ARHGAP24: variants seen among roughly 807,000 people sequenced by gnomAD.
The protein encoded by ARHGAP24 is rho GTPase-activating protein 24.
A neutral mutation model predicts 76.4 loss-of-function variants in ARHGAP24; 50 were observed. That is an observed-to-expected ratio of 0.65 (90% CI 0.52 to 0.83). The LOEUF (loss-of-function observed/expected upper bound fraction) is 0.83. Ranked by LOEUF, ARHGAP24 falls within the 40% of genes least tolerant of loss-of-function variation. The pLI is 0.00. For synonymous variants in ARHGAP24, 345 were observed against 323.3 expected (o/e 1.07, Z -0.72); for missense variants, 930 against 914.2 (o/e 1.02, Z -0.22).
chr4:85,722,276 T>C (rs1379123696), intron 3 of ARHGAP24: 2 of 321,846 alleles, frequency 6.2e-6, no homozygotes, highest in Admixed American at 9.2e-5. Flanking sequence ...TTTACAGCGC[T>C]CTTGTGATGT....
intron 2 of ARHGAP24, among the ~76,000 whole-genome samples, chr4:85,687,658 G>C (rs1578141158): frequency 6.6e-6 from 1 of 152,008 alleles, no homozygotes; most frequent in African/African-American, 2.4e-5. Flanking sequence ...ATCCAATTCA[G>C]CATTAATGGA....
rs568159027 is a variant in ARHGAP24 at position 85,877,554 on chromosome 4, G to A, written c.269-46094G>A. Among the ~76,000 whole-genome samples, 8 of 26,988 alleles carry A rather than the reference G, an allele frequency of 3.0e-4. 1 individual carries two copies. The highest frequency in any genetic ancestry group is 1.5e-3 in the Admixed American group (3 of 2,040). The allele number at this position is 26,988 out of a possible 152,430, so 17.7% of individuals were successfully genotyped here. ...GTGGGAGGATCTTTTGAGCCCAGGC[G>A]TTCAAGGTTGCAGTGAGCCATAATC... On this transcript the variant is annotated intron_variant, in intron 3 of 9. Transcript: ENST00000395184.
intron 3 of ARHGAP24, among the ~76,000 whole-genome samples, chr4:85,869,021 A>G (rs1029508973): frequency 6.6e-6 from 1 of 152,084 alleles, no homozygotes; most frequent in African/African-American, 2.4e-5. Flanking sequence ...TACAACTATG[A>G]GAAATGTCCT....
rs1311560020 is a variant in ARHGAP24, at chr4:85,797,555, C to G, written c.268+75583C>G. On this transcript the variant is annotated intron_variant, in intron 3 of 9. Transcript: ENST00000395184. Reference sequence around the variant, plus strand: ...TAATTTATAGCTAAGGTGGACTGATCTAAATATTCAAATGATGTTAGCAGG... The same window carrying G: ...TAATTTATAGCTAAGGTGGACTGATGTAAATATTCAAATGATGTTAGCAGG... 3.3e-5 allele frequency among the ~76,000 whole-genome samples: 5 copies of G among 152,214 alleles called. No homozygotes were observed. In the East Asian group the frequency reaches 7.7e-4, roughly 23 times the overall value.
At chr4:85,870,074 A>C (rs1732437859) in intron 3 of ARHGAP24, among the ~76,000 whole-genome samples, 1 of 152,226 alleles carries the variant, frequency 6.6e-6, no homozygotes, top group East Asian at 1.9e-4. Flanking sequence ...GAGTTAATGC[A>C]TATAAAGCTT....
intron 2 of ARHGAP24, among the ~76,000 whole-genome samples, chr4:85,652,850 A>C (rs1452570501): frequency 6.6e-6 from 1 of 152,112 alleles, no homozygotes; most frequent in African/African-American, 2.4e-5. Flanking sequence ...ACTTTCCAAA[A>C]TCCAAATATT....
chr4:85,871,170 T>C (rs1021215683), intron 3 of ARHGAP24, among the ~76,000 whole-genome samples: 5 of 152,124 alleles, frequency 3.3e-5, no homozygotes, highest in Non-Finnish European at 5.9e-5. Context: ...TGTTTTACAT[T>C]ACTCTCTAGG....
At chr4:85,653,501 G>A (rs563707635) in intron 2 of ARHGAP24, among the ~76,000 whole-genome samples, 2 of 151,852 alleles carry the variant, frequency 1.3e-5, no homozygotes, top group Non-Finnish European at 2.9e-5. Flanking sequence ...TGAGGAGGAG[G>A]CTCACTTTGT....
At chr4:85,970,211 G>T (rs1206781145) in intron 5 of ARHGAP24, among the ~76,000 whole-genome samples, 2 of 152,120 alleles carry the variant, frequency 1.3e-5, no homozygotes, top group East Asian at 1.9e-4. Context: ...AATTCTGCAA[G>T]GACAGGAGGC....
rs73835544 is a variant in ARHGAP24, at chr4:85,720,605, G to A, written c.181-1280G>A. On this transcript the variant is annotated intron_variant, in intron 2 of 9. Transcript: ENST00000395184. Reference sequence around the variant, plus strand: ...TGTCCTAGATTAGAAATATTACTCCGATATTCATTGGCTTACAGTTGGTTA... The same window carrying A: ...TGTCCTAGATTAGAAATATTACTCCAATATTCATTGGCTTACAGTTGGTTA... Among the ~76,000 whole-genome samples, 1,519 of 152,256 alleles carry A rather than the reference G, an allele frequency of 1.0e-2. 26 individuals are homozygous for A. Among genetic ancestry groups the A allele is most frequent in the African/African-American group, 0.034 (1,416 of 41,554 alleles).
chr4:85,988,134 T>C (rs1740112970), intron 8 of ARHGAP24, among the ~76,000 whole-genome samples: 1 of 151,846 alleles, frequency 6.6e-6, no homozygotes, highest in Non-Finnish European at 1.5e-5. Context: ...ACAAAATCTG[T>C]GAGTAAATTC....
At chr4:85,598,803 A>C (rs1394380651) in intron 2 of ARHGAP24, among the ~76,000 whole-genome samples, 1 of 150,980 alleles carries the variant, frequency 6.6e-6, no homozygotes, top group Non-Finnish European at 1.5e-5. Flanking sequence ...ACTGAAAAAA[A>C]CTATCTAACT....
At chr4:85,762,358 G>A (rs541747657) in intron 3 of ARHGAP24, among the ~76,000 whole-genome samples, 7 of 152,106 alleles carry the variant, frequency 4.6e-5, no homozygotes, top group African/African-American at 4.8e-5. Context: ...CTTTTTCTTT[G>A]AGAACGAGAA....
chr4:85,720,408 C>A (rs906258871), intron 2 of ARHGAP24, among the ~76,000 whole-genome samples: 14 of 152,270 alleles, frequency 9.2e-5, no homozygotes, highest in African/African-American at 3.1e-4. Context: ...ATAATGATTT[C>A]TATATTTCTG....
At chr4:85,880,598 T>C (rs139455730) in intron 3 of ARHGAP24, among the ~76,000 whole-genome samples, 1,884 of 152,136 alleles carry the variant, frequency 0.012, 44 homozygotes, top group African/African-American at 0.043. Context: ...GCACGACCTC[T>C]GCTCACTGCA....
At chr4:85,894,155 T>A (rs1441864932) in intron 3 of ARHGAP24, among the ~76,000 whole-genome samples, 2 of 146,654 alleles carry the variant, frequency 1.4e-5, no homozygotes, top group East Asian at 2.0e-4. Flanking sequence ...GGTTTGTGGG[T>A]GAAAATGGTG....
intron 4 of ARHGAP24, chr4:85,930,929 C>G: frequency 6.2e-7 from 1 of 1,613,854 alleles, no homozygotes; most frequent in African/African-American, 1.3e-5. Flanking sequence ...CAGGCCTGTA[C>G]GATGCCTGAA....
intron 2 of ARHGAP24, among the ~76,000 whole-genome samples, chr4:85,685,343 C>G (rs1477562935): frequency 1.3e-5 from 2 of 152,080 alleles, no homozygotes; most frequent in Non-Finnish European, 2.9e-5. Flanking sequence ...GAAGTCTCCA[C>G]AAAGTGGGGC....
chr4:85,579,299 A>G (rs568083939), intron 2 of ARHGAP24, among the ~76,000 whole-genome samples: 4 of 152,286 alleles, frequency 2.6e-5, no homozygotes, highest in Middle Eastern at 6.8e-3. Flanking sequence ...AGACTATCTC[A>G]TGTGCACAAA....
Sources: allele counts gnomAD v4.1 joint callset (sites outside exome capture counted in the v4.1 genomes callset), GRCh38; gene constraint gnomAD v4.1.1; transcripts MANE v1.5; gene names NCBI Gene and HGNC (gene_info 2026-07-23, HGNC 2026-07-21).